The following SETDB2 variants were observed in gnomAD, a reference collection of about 807,000 sequenced individuals.
SETDB2 encodes histone-lysine N-methyltransferase SETDB2.
SETDB2 carries 56 observed loss-of-function variants against 82.5 expected under a neutral mutation model. The ratio of observed to expected loss-of-function variants is 0.68; its 90% CI spans 0.55 to 0.85. The LOEUF (loss-of-function observed/expected upper bound fraction) is 0.85, where lower values mean the gene tolerates loss of function less well. Ranked by LOEUF, SETDB2 falls within the 40% of genes least tolerant of loss-of-function variation. The pLI, the probability that SETDB2 is intolerant of heterozygous loss-of-function variation, is 0.00. For synonymous variants in SETDB2, 272 were observed against 284.9 expected, an observed-to-expected ratio of 0.95 and a Z score of 0.46; for missense variants, 677 against 816.4, an observed-to-expected ratio of 0.83 and a Z score of 2.08.
Position 49,476,457 on chromosome 13 carries a change from G to T in SETDB2, c.306-19G>T. The T allele has an allele frequency of 6.8e-7, 1 of 1,460,648 alleles. No homozygotes were observed. Among genetic ancestry groups the T allele is most frequent in the South Asian group, 1.3e-5 (1 of 77,404 alleles). 90.5% of individuals were successfully genotyped at this position (1,460,648 alleles called of 1,614,324 possible). On this transcript the variant is annotated intron_variant, in intron 5 of 13. Coordinates refer to ENST00000611815, the MANE Select transcript of SETDB2 (RefSeq NM_001160308.3). The stretch of plus-strand genomic sequence containing the variant: ...TGAACTATAAATTTGAGATACTAAT[G>T]AATAATTTATTTTAACAGAACAACA...
At chr13:49,453,034 GC>G (rs974295410) in intron 2 of SETDB2, among the ~76,000 whole-genome samples, 1 of 152,076 alleles carries the variant, frequency 6.6e-6, no homozygotes, top group African/African-American at 2.4e-5. Context: ...ACTATAGGTA[GC>G]CCACAGTTAA....
At position 49,492,149 on chromosome 13, in the gene SETDB2, A is replaced by G. The variant is rs1486751936; in HGVS notation, c.*300A>G. 1 of 234,618 alleles carries G rather than the reference A, an allele frequency of 4.3e-6. No homozygotes were observed. The highest frequency in any genetic ancestry group is 5.1e-5 in the Admixed American group (1 of 19,538). The allele number at this position is 234,618 out of a possible 1,614,324, so 14.5% of individuals were successfully genotyped here. On this transcript the variant is annotated 3_prime_UTR_variant, in exon 14 of 14. Transcript: ENST00000611815. ...ATTTATTTACAAATTATATATTAAG[A>G]GAAACAAATGTCATAACAGAACTCA...
intron 5 of SETDB2, among the ~76,000 whole-genome samples, chr13:49,471,637 C>CGTTT (rs1331564163): frequency 1.3e-5 from 2 of 151,442 alleles, no homozygotes; most frequent in Non-Finnish European, 2.9e-5. Flanking sequence ...TGCACACAAA[C>CGTTT]CCAAAAGATT....
intron 2 of SETDB2, among the ~76,000 whole-genome samples, chr13:49,452,299 G>T (rs1957801586): frequency 6.6e-6 from 1 of 151,952 alleles, no homozygotes; most frequent in Admixed American, 6.6e-5. Context: ...TTTTAGTAGA[G>T]ATGGGGTTTC....
chr13:49,483,570 A>G lies in SETDB2; in HGVS notation c.1482+7A>G. 7.6e-7 allele frequency: 1 copy of G among 1,313,512 alleles called. No individual in the cohort carries two copies. Among genetic ancestry groups the G allele is most frequent in the Non-Finnish European group, 1.1e-6 (1 of 951,016 alleles). The allele number at this position is 1,313,512 out of a possible 1,614,324, so 81.4% of individuals were successfully genotyped here. Reference sequence around the variant, plus strand: ...ACACAATGGGAAAAAAATGGTAAAAAATGCAAAATGTAGTTGGGACCCTTC... The same window carrying G: ...ACACAATGGGAAAAAAATGGTAAAAGATGCAAAATGTAGTTGGGACCCTTC... On this transcript the variant is annotated splice_region_variant and intron_variant, in intron 10 of 13. Coordinates refer to ENST00000611815, the MANE Select transcript of SETDB2 (RefSeq NM_001160308.3).
Position 49,493,294 on chromosome 13 carries a change from G to A in SETDB2, c.*1445G>A, listed in dbSNP as rs1432902610. The A allele has an allele frequency of 6.6e-6, 1 of 152,180 alleles. No individual in the cohort carries two copies. The highest frequency in any genetic ancestry group is 2.4e-5 in the African/African-American group (1 of 41,448). The allele number at this position is 152,180 out of a possible 1,614,324, so 9.4% of individuals were successfully genotyped here. A position where few individuals can be genotyped will look rare whatever the true frequency, so the allele number is the denominator to read the frequency against. ...CACTAAAATGAAATGGGGGAAAAAA[G>A]CTTGATCAGTATGGGAACCATTTTT... On this transcript the variant is annotated 3_prime_UTR_variant, in exon 14 of 14. Transcript: ENST00000611815.
chr13:49,464,112 G>T, intron 4 of SETDB2: 1 of 766,090 alleles, frequency 1.3e-6, no homozygotes, highest in Non-Finnish European at 2.4e-6. Flanking sequence ...GGAGCAGAGG[G>T]GCACTTCTGG....
chr13:49,457,924 A>G (rs1003921131), intron 2 of SETDB2, among the ~76,000 whole-genome samples: 1 of 152,186 alleles, frequency 6.6e-6, no homozygotes, highest in East Asian at 1.9e-4. Context: ...GTCCACCTCT[A>G]ATAAAGATAA....
intron 2 of SETDB2, among the ~76,000 whole-genome samples, chr13:49,453,690 AG>A (rs1364440779): frequency 1.3e-5 from 2 of 152,096 alleles, no homozygotes; most frequent in Non-Finnish European, 2.9e-5. Context: ...TGGCACTCGA[AG>A]ATTGCTCTAG....
intron 5 of SETDB2, among the ~76,000 whole-genome samples, chr13:49,475,150 A>T (rs998668971): frequency 6.6e-6 from 1 of 152,208 alleles, no homozygotes; most frequent in African/African-American, 2.4e-5. Context: ...TCTTACATAG[A>T]TGGTGACAGG....
At chr13:49,477,756 G>C (rs994284334) in intron 6 of SETDB2, among the ~76,000 whole-genome samples, 2 of 152,096 alleles carry the variant, frequency 1.3e-5, no homozygotes, top group Admixed American at 6.6e-5. Context: ...AATTTGGAGA[G>C]GTCATAGAAC....
chr13:49,481,302 ACTTT>A (rs936855814), intron 8 of SETDB2, among the ~76,000 whole-genome samples, 186 bp downstream of exon 8: 4 of 152,168 alleles, frequency 2.6e-5, no homozygotes, highest in Admixed American at 6.5e-5. Flanking sequence ...CTTAGGAGGT[ACTTT>A]CTTCAAGAAA....
chr13:49,469,164 A>G (rs1382296524), intron 5 of SETDB2, among the ~76,000 whole-genome samples: 1 of 152,168 alleles, frequency 6.6e-6, no homozygotes. Context: ...ATCATCTTGT[A>G]CAAATAAATA....
chr13:49,446,332 C>T (rs1957685997), intron 1 of SETDB2: 2 of 454,476 alleles, frequency 4.4e-6, no homozygotes, highest in African/African-American at 2.0e-5. Flanking sequence ...AATAGCTTCC[C>T]GTATTTTTCC....
rs201758408 is a variant in SETDB2 at position 49,446,059 on chromosome 13, TA to T, written c.-342+1211del. ...ACCTGGGCAACATAGACCTCATGTC[TA>T]AAAAAAAATAAAACTATTACTGAGT... On this transcript the variant is annotated intron_variant, in intron 1 of 13. Coordinates refer to ENST00000611815, the MANE Select transcript of SETDB2 (RefSeq NM_001160308.3). 2.0e-3 allele frequency: 478 copies of T among 236,980 alleles called. 1 individual carries two copies. The highest frequency in any genetic ancestry group is 3.2e-3 in the South Asian group (71 of 22,462). 14.7% of individuals were successfully genotyped at this position (236,980 alleles called of 1,614,324 possible).
intron 2 of SETDB2, among the ~76,000 whole-genome samples, chr13:49,456,010 A>G (rs1336482547): frequency 6.6e-6 from 1 of 152,094 alleles, no homozygotes; most frequent in Non-Finnish European, 1.5e-5. Flanking sequence ...AGTCACTAGC[A>G]GTTTTACTCA....
chr13:49,480,414 T>C (rs1030369294), intron 7 of SETDB2, 79 bp downstream of exon 7: 36 of 819,638 alleles, frequency 4.4e-5, no homozygotes, highest in Admixed American at 1.1e-4. Context: ...CAAAATCTTA[T>C]AGATGTTAAA....
chr13:49,481,170 A>G, intron 8 of SETDB2, 54 bp downstream of exon 8: 1 of 1,549,098 alleles, frequency 6.5e-7, no homozygotes, highest in South Asian at 1.2e-5. Context: ...ACTTTTCTAA[A>G]TATCCATTTT....
Position 49,493,033 on chromosome 13 carries a change from C to T in SETDB2, c.*1184C>T, listed in dbSNP as rs961811623. ...ATCTGAAACAGCCCCTTGGTATCTC[C>T]TGGGCATGATTTGCAAATCTTTTTT... On this transcript the variant is annotated 3_prime_UTR_variant, in exon 14 of 14. Transcript: ENST00000611815. 6.6e-6 allele frequency: 1 copy of T among 151,580 alleles called. No individual in the cohort carries two copies. The highest frequency in any genetic ancestry group is 2.4e-5 in the African/African-American group (1 of 41,194). The allele number at this position is 151,580 out of a possible 1,614,324, so 9.4% of individuals were successfully genotyped here.
Sources: allele counts gnomAD v4.1 joint callset (sites outside exome capture counted in the v4.1 genomes callset), GRCh38; gene constraint gnomAD v4.1.1; transcripts MANE v1.5; gene names NCBI Gene and HGNC (gene_info 2026-07-23, HGNC 2026-07-21).